Variants in TAFA4 observed in about 807,000 individuals in gnomAD.
TAFA4 encodes the protein chemokine-like protein TAFA-4.
A neutral mutation model predicts 21.1 loss-of-function variants in TAFA4; 20 were observed. The observed-to-expected ratio is 0.95, with a 90% CI of 0.67 to 1.38. The LOEUF is 1.38. Ranked by LOEUF, TAFA4 falls within the 40% of genes most tolerant of loss-of-function variation. The pLI, the probability that TAFA4 is intolerant of heterozygous loss-of-function variation, is 0.00. For missense variants in TAFA4, 211 were observed against 180.9 expected (o/e 1.17, Z -0.95); for synonymous variants, 71 against 67.4 (o/e 1.05, Z -0.26).
chr3:68,738,981 T>C, intron 5 of TAFA4, 94 bp downstream of exon 5: 2 of 1,547,762 alleles, frequency 1.3e-6, no homozygotes, highest in Non-Finnish European at 8.7e-7. Context: ...TATTAACACA[T>C]AATAATGTGT....
At chr3:68,807,011 G>A (rs1026230577) in intron 3 of TAFA4, among the ~76,000 whole-genome samples, 8 of 152,198 alleles carry the variant, frequency 5.3e-5, no homozygotes, top group Admixed American at 5.2e-4. Context: ...ATGAAGTCCT[G>A]CCAATGCACT....
At chr3:68,853,320 A>T (rs1335330528) in intron 3 of TAFA4, among the ~76,000 whole-genome samples, 1 of 152,194 alleles carries the variant, frequency 6.6e-6, no homozygotes, top group Non-Finnish European at 1.5e-5. Flanking sequence ...AATATGGGAA[A>T]GTGTGACTCC....
chr3:68,812,236 A>G (rs1703858200), intron 3 of TAFA4, among the ~76,000 whole-genome samples: 1 of 152,244 alleles, frequency 6.6e-6, no homozygotes, highest in African/African-American at 2.4e-5. Flanking sequence ...ACTTGTAAAG[A>G]CCATTGAGGC....
At chr3:68,892,266 A>G (rs749037362) in intron 1 of TAFA4, among the ~76,000 whole-genome samples, 2 of 152,210 alleles carry the variant, frequency 1.3e-5, no homozygotes, top group Non-Finnish European at 2.9e-5. Context: ...TGAAGAATTT[A>G]CTACTGAACC....
chr3:68,886,221 C>T (rs2089671193), intron 1 of TAFA4, among the ~76,000 whole-genome samples: 1 of 152,146 alleles, frequency 6.6e-6, no homozygotes, highest in Admixed American at 6.5e-5. Flanking sequence ...AAGATAATTC[C>T]ACAAGTTTGA....
chr3:68,843,482 C>A (rs1017054087), intron 3 of TAFA4, among the ~76,000 whole-genome samples: 1 of 152,190 alleles, frequency 6.6e-6, no homozygotes, highest in African/African-American at 2.4e-5. Context: ...ATCTGACTTC[C>A]TTTCTCCCTA....
intron 1 of TAFA4, among the ~76,000 whole-genome samples, chr3:68,927,269 T>A (rs2090117078): frequency 6.6e-6 from 1 of 152,214 alleles, no homozygotes; most frequent in Admixed American, 6.5e-5. Context: ...TTATCAATAT[T>A]TTCATCACAC....
At chr3:68,907,099 A>T (rs1269591975) in intron 1 of TAFA4, among the ~76,000 whole-genome samples, 1 of 151,422 alleles carries the variant, frequency 6.6e-6, no homozygotes, top group Non-Finnish European at 1.5e-5. Flanking sequence ...CTGTCTAAAA[A>T]CCAGTTTCCA....
At chr3:68,848,202 A>T (rs531465644) in intron 3 of TAFA4, among the ~76,000 whole-genome samples, 2 of 152,262 alleles carry the variant, frequency 1.3e-5, no homozygotes, top group East Asian at 3.9e-4. Context: ...ACACTATACC[A>T]CCTGGCAACA....
intron 3 of TAFA4, among the ~76,000 whole-genome samples, chr3:68,873,143 G>A (rs1038000164): frequency 6.6e-6 from 1 of 151,980 alleles, no homozygotes; most frequent in East Asian, 1.9e-4. Flanking sequence ...TCCAGGTTCT[G>A]ATGTGTCACA....
At chr3:68,740,747 C>T (rs1327694704) in intron 4 of TAFA4, among the ~76,000 whole-genome samples, 1 of 152,004 alleles carries the variant, frequency 6.6e-6, no homozygotes, top group East Asian at 1.9e-4. Context: ...GACCTTTTTC[C>T]CTATGTTTTC....
intron 3 of TAFA4, among the ~76,000 whole-genome samples, chr3:68,778,256 A>G (rs1383938257): frequency 6.6e-6 from 1 of 152,226 alleles, no homozygotes; most frequent in African/African-American, 2.4e-5. Flanking sequence ...CATTAATATT[A>G]AATTACAAAG....
At chr3:68,833,458 C>T (rs973274125) in intron 3 of TAFA4, among the ~76,000 whole-genome samples, 1 of 152,268 alleles carries the variant, frequency 6.6e-6, no homozygotes, top group Admixed American at 6.5e-5. Context: ...TGAAATACAA[C>T]ACTTAACTTT....
chr3:68,867,710 G>T (rs1347149405), intron 3 of TAFA4, among the ~76,000 whole-genome samples: 1 of 151,984 alleles, frequency 6.6e-6, no homozygotes, highest in Non-Finnish European at 1.5e-5. Flanking sequence ...TTAAAGTGCA[G>T]GGTTTTTGTT....
At chr3:68,739,802 T>A (rs1702314715) in intron 4 of TAFA4, among the ~76,000 whole-genome samples, 1 of 152,150 alleles carries the variant, frequency 6.6e-6, no homozygotes, top group Admixed American at 6.5e-5. Context: ...TTTTCTCACT[T>A]ATAAATGAGA....
intron 1 of TAFA4, among the ~76,000 whole-genome samples, chr3:68,921,453 G>A (rs2090060661): frequency 6.6e-6 from 1 of 152,102 alleles, no homozygotes; most frequent in African/African-American, 2.4e-5. Context: ...TTTAGACAGT[G>A]CAAGACAAAG....
intron 5 of TAFA4, 133 bp from the exon 6 acceptor site, chr3:68,733,286 C>T: frequency 8.8e-7 from 1 of 1,131,078 alleles, no homozygotes; most frequent in East Asian, 2.5e-5. Context: ...ACCGACCTCA[C>T]CAAATCAACA....
At chr3:68,924,394 T>A (rs1342202272) in intron 1 of TAFA4, among the ~76,000 whole-genome samples, 1 of 124,280 alleles carries the variant, frequency 8.0e-6, no homozygotes, top group Non-Finnish European at 1.5e-5. Flanking sequence ...ACGAATAATG[T>A]TATGTCTCCA....
intron 3 of TAFA4, among the ~76,000 whole-genome samples, chr3:68,788,219 G>A (rs1243630798): frequency 1.3e-5 from 2 of 152,120 alleles, no homozygotes; most frequent in Non-Finnish European, 1.5e-5. Flanking sequence ...TCATCTGACT[G>A]TATTCCTTAC....
Sources: gnomAD v4.1 joint callset for allele counts (sites outside exome capture counted in the v4.1 genomes callset) on GRCh38, gnomAD v4.1.1 for gene constraint, MANE v1.5 for transcripts, NCBI Gene and HGNC (gene_info 2026-07-23, HGNC 2026-07-21) for gene names.